Variants in CRB1 observed in about 807,000 individuals in gnomAD.
CRB1 encodes the protein protein crumbs homolog 1.
Under a neutral mutation model 120.0 loss-of-function variants are expected in CRB1, and 83 were observed. The ratio of observed to expected loss-of-function variants is 0.69; its 90% CI spans 0.58 to 0.83. The LOEUF is 0.83. Among genes scored for constraint, CRB1 ranks in the 40% least tolerant of loss-of-function variants. CRB1 has a pLI of 0.00. For missense variants in CRB1, 1,699 were observed against 1,687.6 expected, an observed-to-expected ratio of 1.01 and a Z score of -0.12; for synonymous variants, 625 against 612.5, an observed-to-expected ratio of 1.02 and a Z score of -0.30.
intron 1 of CRB1, among the ~76,000 whole-genome samples, chr1:197,287,762 A>G (rs944987148): frequency 1.3e-5 from 2 of 151,916 alleles, no homozygotes; most frequent in African/African-American, 4.8e-5. Flanking sequence ...CTCCTTAGCT[A>G]CACAAACAGG....
chr1:197,422,816 T>A (rs1396352789), intron 6 of CRB1: 1 of 152,176 alleles, frequency 6.6e-6, no homozygotes, highest in African/African-American at 2.4e-5. Context: ...GATTTTAGAG[T>A]AACTTGAAGT....
chr1:197,468,123 T>C (rs887378220), intron 11 of CRB1, among the ~76,000 whole-genome samples: 3 of 152,148 alleles, frequency 2.0e-5, no homozygotes, highest in African/African-American at 7.2e-5. Context: ...CTTAAAGCAA[T>C]TGGATCATGG....
Position 197,421,775 on chromosome 1 carries a change from T to C in CRB1, c.1947T>C (p.Asp649=), listed in dbSNP as rs370486884. Residue 649 remains aspartate (D), a synonymous_variant, in exon 6 of 12, where the codon GAT becomes GAC. Coordinates refer to ENST00000367400, the MANE Select transcript of CRB1 (RefSeq NM_201253.3). The stretch of plus-strand genomic sequence containing the variant: ...GCTGTCTCCAAGACATTAAAATTGA[T>C]TGGAATCACATTACCCTGGAGAACA... ...FVGCLQDIKI[D]WNHITLENIS... 8.7e-6 allele frequency: 14 copies of C among 1,614,072 alleles called. No individual in the cohort carries two copies. The highest frequency in any genetic ancestry group is 1.1e-5 in the South Asian group (1 of 91,090).
chr1:197,435,042 C>CTT lies in CRB1; in HGVS notation c.3182_3183dup (p.Val1062LeufsTer2). 6.2e-7 allele frequency: 1 copy of CTT among 1,613,920 alleles called. No individual in the cohort carries two copies. The highest frequency in any genetic ancestry group is 8.5e-7 in the Non-Finnish European group (1 of 1,179,894). On this transcript the variant is annotated frameshift_variant, in exon 9 of 12. Transcript: ENST00000367400. LOFTEE classifies it high-confidence loss of function. ...CAAATGGAAGTGGACAACGAAACACCTTTTGTGACCAGCACAATTGCTACT... is the reference window on the plus strand; with the variant it reads ...CAAATGGAAGTGGACAACGAAACACCTTTTTTGTGACCAGCACAATTGCTACT...
chr1:197,296,036 C>T (rs944347408), intron 1 of CRB1, among the ~76,000 whole-genome samples: 5 of 151,938 alleles, frequency 3.3e-5, no homozygotes, highest in Non-Finnish European at 7.4e-5. Flanking sequence ...AGACAGAAGA[C>T]TATAAAAATA....
At chr1:197,469,274 G>A (rs1407373784) in intron 11 of CRB1, among the ~76,000 whole-genome samples, 2 of 152,178 alleles carry the variant, frequency 1.3e-5, no homozygotes, top group East Asian at 1.9e-4. Context: ...ATATGGACAG[G>A]TTTGATATAG....
chr1:197,242,267 G>A, the CRB1 span, among the ~76,000 whole-genome samples: 1 of 152,092 alleles, frequency 6.6e-6, no homozygotes, highest in Non-Finnish European at 1.5e-5. Flanking sequence ...TTTTCAAAGG[G>A]AATGCTTCCA....
intron 11 of CRB1, among the ~76,000 whole-genome samples, chr1:197,469,850 G>A (rs759113253): frequency 1.3e-4 from 19 of 151,852 alleles, no homozygotes; most frequent in African/African-American, 4.1e-4. Context: ...TTCTAGATAC[G>A]AGGGGCAGGA....
intron 2 of CRB1, among the ~76,000 whole-genome samples, chr1:197,337,358 G>A (rs1659215641): frequency 6.6e-6 from 1 of 152,124 alleles, no homozygotes; most frequent in African/African-American, 2.4e-5. Context: ...TATAAAGAAC[G>A]GATGTGGTGG....
At chr1:197,312,722 T>C (rs1657610992) in intron 1 of CRB1, among the ~76,000 whole-genome samples, 2 of 152,328 alleles carry the variant, frequency 1.3e-5, no homozygotes, top group South Asian at 2.1e-4. Context: ...TTTTTACACA[T>C]AGCAACATTT....
chr1:197,346,918 G>C (rs1184801181), intron 3 of CRB1, among the ~76,000 whole-genome samples: 1 of 152,116 alleles, frequency 6.6e-6, no homozygotes, highest in Non-Finnish European at 1.5e-5. Flanking sequence ...ATAACAGAGT[G>C]CCATGATGGT....
At chr1:197,288,373 T>C (rs1247671849) in intron 1 of CRB1, among the ~76,000 whole-genome samples, 1 of 151,842 alleles carries the variant, frequency 6.6e-6, no homozygotes, top group Non-Finnish European at 1.5e-5. Flanking sequence ...CTCCTCCAGA[T>C]TCGATACGGT....
At chr1:197,342,437 G>T (rs1231257468) in intron 2 of CRB1, among the ~76,000 whole-genome samples, 1 of 152,138 alleles carries the variant, frequency 6.6e-6, no homozygotes, top group African/African-American at 2.4e-5. Flanking sequence ...TCCAGTAGTG[G>T]AAAGCCCCAT....
At chr1:197,281,967 A>G (rs1423101584) in intron 1 of CRB1, among the ~76,000 whole-genome samples, 1 of 151,746 alleles carries the variant, frequency 6.6e-6, no homozygotes, top group Non-Finnish European at 1.5e-5. Context: ...AGTATAATAA[A>G]AAAAATTATA....
intron 11 of CRB1, among the ~76,000 whole-genome samples, chr1:197,468,646 T>A (rs189096762): frequency 2.0e-5 from 3 of 152,280 alleles, no homozygotes; most frequent in African/African-American, 4.8e-5. Flanking sequence ...CAAATAGTCA[T>A]GCCTTACAGT....
At chr1:197,385,803 T>C (rs1662184768) in intron 5 of CRB1, among the ~76,000 whole-genome samples, 1 of 151,966 alleles carries the variant, frequency 6.6e-6, no homozygotes, top group Non-Finnish European at 1.5e-5. Flanking sequence ...AAATACATAG[T>C]TAACATTTAA....
At position 197,391,482 on chromosome 1, in the gene CRB1, C is replaced by G. The variant is rs185936254; in HGVS notation, c.1172-29518C>G. On this transcript the variant is annotated intron_variant, in intron 5 of 11. Transcript: ENST00000367400. ...AACCAAGTTTCTGCTGTGAAGTTGT[C>G]ACTGTAATGGAAGATGATTACATCA... Among the ~76,000 whole-genome samples, 358 of 152,162 alleles carry G rather than the reference C, an allele frequency of 2.4e-3. 3 individuals carry two copies. Among genetic ancestry groups the G allele is most frequent in the African/African-American group, 8.0e-3 (332 of 41,528 alleles).
In CRB1 at chr1:197,398,714, G is replaced by A. The variant is rs1662900981; in HGVS notation, c.1172-22286G>A. On this transcript the variant is annotated intron_variant, in intron 5 of 11. Coordinates refer to ENST00000367400, the MANE Select transcript of CRB1 (RefSeq NM_201253.3). ...GGGTATAAAGTGATTATTTCAGCTTGGAAAATAATAAGTTTGATAATCCTA... is the reference window on the plus strand; with the variant it reads ...GGGTATAAAGTGATTATTTCAGCTTAGAAAATAATAAGTTTGATAATCCTA... Among the ~76,000 whole-genome samples, 2 of 152,044 alleles carry A rather than the reference G, an allele frequency of 1.3e-5. 1 individual carries two copies. Among genetic ancestry groups the A allele is most frequent in the South Asian group, 4.2e-4 (2 of 4,808 alleles).
chr1:197,453,881 A>C (rs974213013), intron 11 of CRB1, among the ~76,000 whole-genome samples: 2 of 140,686 alleles, frequency 1.4e-5, no homozygotes, highest in East Asian at 4.0e-4. Context: ...TTAATAATAT[A>C]TATTATTAAT....
Sources: gnomAD v4.1 joint callset for allele counts (sites outside exome capture counted in the v4.1 genomes callset) on GRCh38, gnomAD v4.1.1 for gene constraint, MANE v1.5 for transcripts, NCBI Gene and HGNC (gene_info 2026-07-23, HGNC 2026-07-21) for gene names.